The following ZNF385C variants were observed in gnomAD, a reference collection of about 807,000 sequenced individuals.
The protein encoded by ZNF385C is zinc finger protein 385C.
ZNF385C carries 28 observed loss-of-function variants against 35.4 expected under a neutral mutation model. That is an observed-to-expected ratio of 0.79 (90% CI 0.59 to 1.08). The LOEUF (loss-of-function observed/expected upper bound fraction) is 1.08. Among genes scored for constraint, ZNF385C ranks in the 50% least tolerant of loss-of-function variants. ZNF385C has a pLI of 0.00. For missense variants in ZNF385C, 605 were observed against 595.6 expected (o/e 1.02, Z -0.16); for synonymous variants, 248 against 248.2 (o/e 1.00, Z 0.01).
chr17:42,038,801 G>A (rs2052928841), intron 2 of ZNF385C: 1 of 152,238 alleles, frequency 6.6e-6, no homozygotes, highest in South Asian at 2.1e-4. Flanking sequence ...TTGGTGAGGA[G>A]GGAAGGAAGG....
At chr17:42,053,010 C>G (rs2053312610) in intron 2 of ZNF385C, among the ~76,000 whole-genome samples, 1 of 152,134 alleles carries the variant, frequency 6.6e-6, no homozygotes, top group East Asian at 1.9e-4. Flanking sequence ...GAGAGAGAGC[C>G]AAAGTGGAGA....
At chr17:42,079,502 CA>C (rs113892632) in intron 1 of ZNF385C, among the ~76,000 whole-genome samples, 15,480 of 127,646 alleles carry the variant, frequency 0.12, 1,042 homozygotes, top group Middle Eastern at 0.29. Context: ...TCTATCTTTA[CA>C]AAAAAAAAAA....
At chr17:42,052,559 C>T (rs1481613622) in intron 2 of ZNF385C, among the ~76,000 whole-genome samples, 6 of 152,148 alleles carry the variant, frequency 3.9e-5, no homozygotes, top group Non-Finnish European at 8.8e-5. Context: ...GCACACTGGC[C>T]ACACAAGAGC....
chr17:42,027,543 C>G (rs782282939), intron 8 of ZNF385C, 75 bp downstream of exon 8: 27 of 1,003,564 alleles, frequency 2.7e-5, no homozygotes, highest in Admixed American at 2.1e-4. Context: ...CCACCGCAGC[C>G]CCCCCATCTG....
chr17:42,067,420 G>A (rs1356851467), intron 1 of ZNF385C, among the ~76,000 whole-genome samples: 1 of 152,140 alleles, frequency 6.6e-6, no homozygotes, highest in East Asian at 1.9e-4. Context: ...CCTGCTGCTA[G>A]GGTTTGGATG....
At chr17:42,077,295 A>T (rs1206018057) in intron 1 of ZNF385C, among the ~76,000 whole-genome samples, 7 of 152,076 alleles carry the variant, frequency 4.6e-5, no homozygotes, top group African/African-American at 1.7e-4. Flanking sequence ...GGTGTAGAGG[A>T]TGGTGTGACA....
intron 1 of ZNF385C, among the ~76,000 whole-genome samples, chr17:42,082,262 C>T (rs1237962402): frequency 6.6e-6 from 1 of 152,222 alleles, no homozygotes; most frequent in Non-Finnish European, 1.5e-5. Flanking sequence ...CAGGGTATGA[C>T]TCGTGACCTC....
intron 2 of ZNF385C, chr17:42,039,258 GAAAAA>G (rs532571836): frequency 7.7e-4 from 118 of 153,396 alleles, no homozygotes; most frequent in Middle Eastern, 6.5e-3. Context: ...CTCAAAAAAA[GAAAAA>G]AAAAGAAAAG....
chr17:42,039,945 G>A, intron 2 of ZNF385C: 1 of 1,231,192 alleles, frequency 8.1e-7, no homozygotes, highest in South Asian at 4.1e-5. Flanking sequence ...GGGCGGCGAA[G>A]TCGGGGAAGA....
intron 1 of ZNF385C, among the ~76,000 whole-genome samples, chr17:42,082,477 C>T (rs1487696541): frequency 6.6e-6 from 1 of 152,268 alleles, no homozygotes; most frequent in Non-Finnish European, 1.5e-5. Context: ...CACCCCCTCA[C>T]CTGAGTCTCT....
intron 2 of ZNF385C, among the ~76,000 whole-genome samples, chr17:42,049,140 C>T (rs1286541574): frequency 2.0e-5 from 3 of 152,082 alleles, no homozygotes; most frequent in African/African-American, 7.2e-5. Flanking sequence ...TCCCATCCCC[C>T]GGGTCCTTTG....
At chr17:42,075,665 T>C (rs1555659210) in intron 1 of ZNF385C, among the ~76,000 whole-genome samples, 1 of 152,028 alleles carries the variant, frequency 6.6e-6, no homozygotes, top group East Asian at 1.9e-4. Flanking sequence ...CAGCTCATTT[T>C]TTGTATTTTT....
intron 1 of ZNF385C, among the ~76,000 whole-genome samples, chr17:42,074,440 G>A (rs2053663706): frequency 6.7e-6 from 1 of 150,222 alleles, no homozygotes; most frequent in Admixed American, 6.6e-5. Context: ...CGCCCAGGCT[G>A]GAGTGCAATG....
At chr17:42,053,567 G>A (rs2053322074) in intron 2 of ZNF385C, among the ~76,000 whole-genome samples, 1 of 152,152 alleles carries the variant, frequency 6.6e-6, no homozygotes, top group Non-Finnish European at 1.5e-5. Flanking sequence ...CATCTGCCCA[G>A]ATGTCCAGCA....
In ZNF385C at chr17:42,079,203, AAT is replaced by A. The variant is rs1324670360; in HGVS notation, c.-2-16147_-2-16146del. 6.2e-3 allele frequency among the ~76,000 whole-genome samples: 703 copies of A among 113,740 alleles called. 6 individuals carry two copies. The highest frequency in any genetic ancestry group is 0.023 in the African/African-American group (576 of 25,206). The allele number at this position is 113,740 out of a possible 152,430, so 74.6% of individuals were successfully genotyped here. On this transcript the variant is annotated intron_variant, in intron 1 of 8. Coordinates refer to ENST00000692273, the MANE Select transcript of ZNF385C (RefSeq NM_001392013.1). ...CCTGTCTCGCAAAAAAAAAAAAAAA[AAT>A]ATATATATATATACATATATATATA...
chr17:42,075,631 A>G (rs1158738799), intron 1 of ZNF385C, among the ~76,000 whole-genome samples: 2 of 151,532 alleles, frequency 1.3e-5, no homozygotes, highest in African/African-American at 4.9e-5. Flanking sequence ...AGTAGCTGGG[A>G]CTACAGGCGC....
At chr17:42,030,255 C>T (rs1555654869) in intron 5 of ZNF385C, among the ~76,000 whole-genome samples, 4 of 152,016 alleles carry the variant, frequency 2.6e-5, no homozygotes, top group South Asian at 4.2e-4. Flanking sequence ...TTTGGGAGGC[C>T]GAGGTGGGTG....
intron 2 of ZNF385C, among the ~76,000 whole-genome samples, chr17:42,042,324 C>T (rs564178776): frequency 6.6e-6 from 1 of 152,140 alleles, no homozygotes; most frequent in African/African-American, 2.4e-5. Flanking sequence ...GAGTTCGAAA[C>T]TGGCCTGGCC....
At chr17:42,040,736 G>A in intron 2 of ZNF385C, 1 of 1,232,376 alleles carries the variant, frequency 8.1e-7, no homozygotes, top group Non-Finnish European at 1.0e-6. Flanking sequence ...CGGAGCTCAG[G>A]GACCAAGTGG....
Sources: allele counts gnomAD v4.1 joint callset (sites outside exome capture counted in the v4.1 genomes callset), GRCh38; gene constraint gnomAD v4.1.1; transcripts MANE v1.5; gene names NCBI Gene and HGNC (gene_info 2026-07-23, HGNC 2026-07-21).